Variants in PWWP2A observed in about 807,000 individuals in gnomAD.
PWWP2A encodes the protein PWWP domain-containing protein 2A.
In PWWP2A, 18 loss-of-function variants were observed where a neutral mutation model predicts 48.5. The observed-to-expected ratio is 0.37, with a 90% CI of 0.26 to 0.55. PWWP2A has a LOEUF of 0.55. PWWP2A is among the 20% of genes least tolerant of loss of function. The pLI is 0.81. For missense variants in PWWP2A, 867 were observed against 976.4 expected (o/e 0.89, Z 1.49); for synonymous variants, 396 against 387.7 (o/e 1.02, Z -0.25).
chr5:160,092,894 C>G lies in PWWP2A; in HGVS notation c.1756G>C (p.Asp586His), dbSNP rs1561668790. 1.3e-6 allele frequency: 2 copies of G among 1,551,662 alleles called. No homozygotes were observed. The highest frequency in any genetic ancestry group is 1.7e-6 in the Non-Finnish European group (2 of 1,146,954). Residue 586 changes from aspartate (D) to histidine (H), a missense_variant, in exon 2 of 2, where the codon GAT becomes CAT. By Grantham distance (81) the Asp-to-His change is moderately conservative. This residue lies in a region of PWWP2A where 382 missense variants were observed against 407.2 expected (regional missense o/e 0.94). Coordinates refer to ENST00000307063, the MANE Select transcript of PWWP2A (RefSeq NM_001130864.2). ...GAAGATTTCAAATCATCTGTGCTAT[C>G]AATGCTACACACTGAAGCACTGGAA... ...DSSSASVCSIDSTDDLKSSNS... is the reference protein window; with the variant it reads ...DSSSASVCSIHSTDDLKSSNS...
At chr5:160,094,161 C>T in intron 1 of PWWP2A, 96 bp from the exon 2 acceptor site, 2 of 1,332,794 alleles carry the variant, frequency 1.5e-6, no homozygotes, top group Non-Finnish European at 2.0e-6. Context: ...ATTTATATAA[C>T]CTTTCCCGAA....
At chr5:160,081,181 G>C (rs1164778915) in intron 2 of PWWP2A, among the ~76,000 whole-genome samples, 1 of 151,470 alleles carries the variant, frequency 6.6e-6, no homozygotes. Context: ...AGTATTCAAA[G>C]ATAAGGCTGA....
chr5:160,094,000 G>T lies in PWWP2A; in HGVS notation c.650C>A (p.Ala217Asp). 1.2e-6 allele frequency: 2 copies of T among 1,613,954 alleles called. No individual in the cohort carries two copies. Among genetic ancestry groups the T allele is most frequent in the Non-Finnish European group, 1.7e-6 (2 of 1,179,876 alleles). Residue 217 changes from alanine (A) to aspartate (D), a missense_variant, in exon 2 of 2, where the codon GCC (alanine) becomes GAC (aspartate). Physicochemically the swap from Ala to Asp is moderately radical, Grantham distance 126 (BLOSUM62 -2). Around this residue, in one of 4 missense-constraint regions of PWWP2A, gnomAD observed 385 missense variants for 396.9 expected, o/e 0.97. Transcript: ENST00000307063. The surrounding 1 kb of genome is among the most constrained non-coding windows in gnomAD (Gnocchi z 5.8). Reference sequence around the variant, plus strand: ...GAATGTATTACTTTGGAGCGGCATGGCTTCTGGTTTATCCTTATATTCCCT... The same window carrying T: ...GAATGTATTACTTTGGAGCGGCATGTCTTCTGGTTTATCCTTATATTCCCT... Reference protein sequence around the residue: ...PKREYKDKPEAMPLQSNTFQE... With the variant: ...PKREYKDKPEDMPLQSNTFQE...
chr5:160,104,358 A>G, intron 1 of PWWP2A, among the ~76,000 whole-genome samples: 1 of 151,032 alleles, frequency 6.6e-6, no homozygotes, highest in East Asian at 2.0e-4. Context: ...TTGAGCCCAG[A>G]AGGTTAAGCC....
At chr5:160,049,546 A>T in the PWWP2A span, 8 of 1,600,426 alleles carry the variant, frequency 5.0e-6, no homozygotes, top group Non-Finnish European at 6.8e-6. Flanking sequence ...TATCAGGGCA[A>T]TATTGAGGAG....
At chr5:160,079,526 T>G (rs7709481) in intron 3 of PWWP2A, among the ~76,000 whole-genome samples, 87,539 of 151,970 alleles carry the variant, frequency 0.58, 25,341 homozygotes, top group East Asian at 0.62. Context: ...CTAATATGAT[T>G]GCAATACTAA....
chr5:160,094,891 CA>C (rs1755450786), intron 1 of PWWP2A, among the ~76,000 whole-genome samples: 2 of 151,236 alleles, frequency 1.3e-5, no homozygotes, highest in South Asian at 4.2e-4. Flanking sequence ...ACTAAAAATA[CA>C]AAAAGATTCG....
chr5:160,050,324 G>A, the PWWP2A span, among the ~76,000 whole-genome samples: 2 of 151,700 alleles, frequency 1.3e-5, no homozygotes, highest in Admixed American at 6.6e-5. Context: ...GCACATGCCT[G>A]TAATCCCAGC....
chr5:160,119,124 G>C lies in PWWP2A; in HGVS notation c.265C>G (p.Leu89Val), dbSNP rs1647683223. ...ARSPEAVGPE[L>V]EAEEKLSVRV... ...ACGGACAGTTTCTCCTCAGCCTCCA[G>C]CTCCGGCCCCACCGCCTCTGGGCTG... The change falls in exon 1 of 2, where the codon CTG becomes GTG. Residue 89 changes from leucine (L) to valine (V), a missense_variant. Leu to Val is a conservative substitution (Grantham distance 32, BLOSUM62 1). Coordinates refer to ENST00000307063, the MANE Select transcript of PWWP2A (RefSeq NM_001130864.2). 16 of 1,582,350 alleles carry C rather than the reference G, an allele frequency of 1.0e-5. No homozygotes were observed. The highest frequency in any genetic ancestry group is 1.4e-5 in the Non-Finnish European group (16 of 1,173,948).
At chr5:160,099,863 G>C (rs1325769760) in intron 1 of PWWP2A, among the ~76,000 whole-genome samples, 1 of 151,536 alleles carries the variant, frequency 6.6e-6, no homozygotes. Context: ...ATGGAGTTTC[G>C]CCATGTTGGC....
chr5:160,100,545 T>C (rs1183192031), intron 1 of PWWP2A, among the ~76,000 whole-genome samples: 2 of 152,122 alleles, frequency 1.3e-5, no homozygotes, highest in Admixed American at 6.5e-5. Flanking sequence ...GACAGGAGGA[T>C]AGCTTCAGGC....
At chr5:160,086,337 A>G (rs1478495281) in intron 2 of PWWP2A, among the ~76,000 whole-genome samples, 3 of 151,786 alleles carry the variant, frequency 2.0e-5, no homozygotes, top group Non-Finnish European at 4.4e-5. Context: ...TGGGCAACAT[A>G]GTGTGACCCT....
intron 1 of PWWP2A, among the ~76,000 whole-genome samples, chr5:160,104,039 G>A (rs1427948599): frequency 1.4e-5 from 2 of 147,250 alleles, no homozygotes; most frequent in African/African-American, 5.1e-5. Flanking sequence ...CAGGGTAATG[G>A]CGTGAACCTG....
chr5:160,069,196 G>A (rs1753685991), intron 2 of PWWP2A, among the ~76,000 whole-genome samples: 1 of 151,954 alleles, frequency 6.6e-6, no homozygotes, highest in Non-Finnish European at 1.5e-5. Flanking sequence ...GAGGCAGGAG[G>A]ATTGCTTGAG....
intron 1 of PWWP2A, among the ~76,000 whole-genome samples, chr5:160,115,778 G>T (rs148563441): frequency 1.3e-5 from 2 of 151,710 alleles, no homozygotes; most frequent in Admixed American, 6.6e-5. Flanking sequence ...GTGGAAGAAC[G>T]CAGTGAGCTA....
downstream of PWWP2A, chr5:160,089,520 A>C (rs911005727): frequency 1.6e-6 from 2 of 1,281,128 alleles, no homozygotes; most frequent in African/African-American, 3.1e-5. Flanking sequence ...CCTCTCACAG[A>C]TAATTGTTTG....
intron 1 of PWWP2A, among the ~76,000 whole-genome samples, chr5:160,100,470 A>G (rs1756156683): frequency 6.6e-6 from 1 of 152,018 alleles, no homozygotes; most frequent in Non-Finnish European, 1.5e-5. Context: ...CAAAAACAAA[A>G]CAAAAAAAGG....
intron 1 of PWWP2A, among the ~76,000 whole-genome samples, chr5:160,115,134 T>G (rs1456635260): frequency 1.1e-5 from 1 of 92,396 alleles, no homozygotes; most frequent in Non-Finnish European, 1.9e-5. Context: ...AGGGAGACTC[T>G]GTCAAAAAAA....
chr5:160,097,364 A>G (rs1045617820), intron 1 of PWWP2A, among the ~76,000 whole-genome samples: 7 of 108,480 alleles, frequency 6.5e-5, no homozygotes, highest in Non-Finnish European at 1.1e-4. Context: ...AAAAAAAAAA[A>G]GGCCAGGCAC....
Sources: gnomAD v4.1 joint callset for allele counts (sites outside exome capture counted in the v4.1 genomes callset) on GRCh38, gnomAD v4.1.1 for gene constraint, gnomAD v4.1.1 regional missense constraint, Gnocchi (gnomAD v3.1) non-coding constraint, MANE v1.5 for transcripts, NCBI Gene and HGNC (gene_info 2026-07-23, HGNC 2026-07-21) for gene names.